Variants in PXDNL observed in about 807,000 individuals in gnomAD.
PXDNL encodes the protein probable oxidoreductase PXDNL.
A neutral mutation model predicts 150.8 loss-of-function variants in PXDNL; 145 were observed. The ratio of observed to expected loss-of-function variants is 0.96; its 90% confidence interval spans 0.84 to 1.10. The LOEUF is 1.10. Ranked by LOEUF, PXDNL falls within the 50% of genes least tolerant of loss-of-function variation. The pLI is 0.00. For synonymous variants in PXDNL, 757 were observed against 725.7 expected, an observed-to-expected ratio of 1.04 and a Z score of -0.69; for missense variants, 2,087 against 1,873.9, an observed-to-expected ratio of 1.11 and a Z score of -2.10.
At chr8:51,688,983 G>A (rs1479734465) in intron 1 of PXDNL, among the ~76,000 whole-genome samples, 1 of 152,182 alleles carries the variant, frequency 6.6e-6, no homozygotes. Flanking sequence ...CTCTTGGCTG[G>A]ATGGGCCCCA....
chr8:51,493,674 T>G (rs1421568697), intron 5 of PXDNL, among the ~76,000 whole-genome samples: 2 of 151,996 alleles, frequency 1.3e-5, no homozygotes, highest in East Asian at 3.9e-4. Flanking sequence ...TGGAAGAAAC[T>G]GTATCAGTGA....
chr8:51,747,686 C>T (rs1306795930), intron 1 of PXDNL, among the ~76,000 whole-genome samples: 1 of 152,202 alleles, frequency 6.6e-6, no homozygotes, highest in Non-Finnish European at 1.5e-5. Flanking sequence ...CCAGGCTACA[C>T]CTTGACACGA....
At chr8:51,773,258 C>T (rs778445177) in intron 1 of PXDNL, among the ~76,000 whole-genome samples, 32 of 152,172 alleles carry the variant, frequency 2.1e-4, no homozygotes, top group Non-Finnish European at 4.1e-4. Flanking sequence ...CTCCTGCCCA[C>T]GCTTCTTTTT....
chr8:51,761,851 C>G (rs895041607), intron 1 of PXDNL, among the ~76,000 whole-genome samples: 30 of 152,256 alleles, frequency 2.0e-4, no homozygotes, highest in African/African-American at 6.3e-4. Context: ...AAACCTAACA[C>G]TCATAATGTA....
At chr8:51,625,591 A>C (rs752582284) in intron 2 of PXDNL, among the ~76,000 whole-genome samples, 21 of 152,342 alleles carry the variant, frequency 1.4e-4, no homozygotes, top group Admixed American at 2.6e-4. Context: ...ATTTCTTGCC[A>C]TGGTCTGGAG....
intron 2 of PXDNL, among the ~76,000 whole-genome samples, chr8:51,628,894 T>A (rs954963511): frequency 7.4e-5 from 11 of 149,178 alleles, no homozygotes; most frequent in Non-Finnish European, 1.2e-4. Context: ...CAAAAACAAA[T>A]CTTGAAGAGG....
intron 4 of PXDNL, among the ~76,000 whole-genome samples, chr8:51,509,266 CAAA>C (rs1392348556): frequency 6.6e-6 from 1 of 152,098 alleles, no homozygotes; most frequent in East Asian, 1.9e-4. Flanking sequence ...ATTTATGTGT[CAAA>C]TACATTTTTA....
chr8:51,542,322 A>T (rs1812234666), intron 4 of PXDNL, among the ~76,000 whole-genome samples: 1 of 152,188 alleles, frequency 6.6e-6, no homozygotes, highest in Non-Finnish European at 1.5e-5. Context: ...GTCTCAGCAT[A>T]GACAAAAGCA....
At chr8:51,618,409 G>A (rs995170761) in intron 2 of PXDNL, among the ~76,000 whole-genome samples, 3 of 152,198 alleles carry the variant, frequency 2.0e-5, no homozygotes, top group Admixed American at 2.0e-4. Flanking sequence ...AGCTGCAACT[G>A]GGAACCAGGC....
At chr8:51,802,447 T>C (rs2037631299) in intron 1 of PXDNL, among the ~76,000 whole-genome samples, 1 of 152,188 alleles carries the variant, frequency 6.6e-6, no homozygotes, top group African/African-American at 2.4e-5. Context: ...ATTCGTAAAC[T>C]TTCTTGAAAC....
chr8:51,449,586 A>G (rs1809757335), intron 10 of PXDNL, among the ~76,000 whole-genome samples: 2 of 152,240 alleles, frequency 1.3e-5, no homozygotes, highest in Non-Finnish European at 2.9e-5. Context: ...TTGAAATTAT[A>G]CTTTTGAAAA....
At chr8:51,466,996 G>A (rs559123344) in intron 8 of PXDNL, among the ~76,000 whole-genome samples, 4 of 152,256 alleles carry the variant, frequency 2.6e-5, no homozygotes, top group African/African-American at 9.6e-5. Flanking sequence ...ATTTCTCAAA[G>A]AAGTAAAAGT....
intron 2 of PXDNL, among the ~76,000 whole-genome samples, chr8:51,639,689 G>A (rs1269605173): frequency 6.6e-6 from 1 of 152,046 alleles, no homozygotes; most frequent in Non-Finnish European, 1.5e-5. Context: ...AGTAACAGGA[G>A]CTGAAATTGT....
chr8:51,749,695 T>G (rs991174265), intron 1 of PXDNL, among the ~76,000 whole-genome samples: 1 of 152,114 alleles, frequency 6.6e-6, no homozygotes, highest in African/African-American at 2.4e-5. Context: ...TACACTAAAC[T>G]TATTTTATTT....
At chr8:51,384,371 G>T (rs1182801735) in intron 17 of PXDNL, among the ~76,000 whole-genome samples, 2 of 138,184 alleles carry the variant, frequency 1.4e-5, no homozygotes, top group Non-Finnish European at 3.0e-5. Flanking sequence ...AAATAAAGGT[G>T]AATGACAAAA....
intron 3 of PXDNL, among the ~76,000 whole-genome samples, chr8:51,580,374 A>C (rs1332268872): frequency 6.6e-6 from 1 of 152,186 alleles, no homozygotes; most frequent in Non-Finnish European, 1.5e-5. Flanking sequence ...TAATTATCTC[A>C]GAATAAAACA....
intron 1 of PXDNL, among the ~76,000 whole-genome samples, chr8:51,760,845 C>CATTTTT (rs2037154474): frequency 2.2e-5 from 1 of 45,476 alleles, no homozygotes; most frequent in Non-Finnish European, 3.8e-5. Flanking sequence ...ATCACTTAAA[C>CATTTTT]TTTTTTTTTT....
chr8:51,515,858 T>C (rs1295829247), intron 4 of PXDNL, among the ~76,000 whole-genome samples: 1 of 152,222 alleles, frequency 6.6e-6, no homozygotes, highest in African/African-American at 2.4e-5. Flanking sequence ...AGATTTCTAT[T>C]AGTTTTTTCC....
intron 3 of PXDNL, among the ~76,000 whole-genome samples, chr8:51,591,163 G>A (rs888049559): frequency 1.3e-5 from 2 of 152,074 alleles, no homozygotes; most frequent in African/African-American, 4.8e-5. Context: ...CATCATGTTA[G>A]GATACAACCC....
Sources: gnomAD v4.1 joint callset for allele counts (sites outside exome capture counted in the v4.1 genomes callset) on GRCh38, gnomAD v4.1.1 for gene constraint, MANE v1.5 for transcripts, NCBI Gene and HGNC (gene_info 2026-07-23, HGNC 2026-07-21) for gene names.